Variants in DTNB observed in about 807,000 individuals in gnomAD.
The protein encoded by DTNB is DTN-B.
Under a neutral mutation model 90.7 loss-of-function variants are expected in DTNB, and 63 were observed. The observed-to-expected ratio is 0.69, with a 90% CI of 0.57 to 0.86. DTNB has a LOEUF of 0.86. DTNB is among the 40% of genes least tolerant of loss of function. The pLI, the probability that DTNB is intolerant of heterozygous loss-of-function variation, is 0.00. For synonymous variants in DTNB, 277 were observed against 286.7 expected (o/e 0.97, Z 0.34); for missense variants, 744 against 807.1 (o/e 0.92, Z 0.95).
In DTNB at chr2:25,505,475, G is replaced by A. The variant is rs373404577; in HGVS notation, c.1002-22602C>T. On this transcript the variant is annotated intron_variant, in intron 9 of 20. Transcript: ENST00000406818. Reference sequence around the variant, plus strand: ...TTCATTTTGAAGGTGGTAAACTTTTGCATCCAGCAGCATTTTAGTACTTTT... The same window carrying A: ...TTCATTTTGAAGGTGGTAAACTTTTACATCCAGCAGCATTTTAGTACTTTT... 7.2e-5 allele frequency among the ~76,000 whole-genome samples: 11 copies of A among 152,120 alleles called. No homozygotes were observed. In the East Asian group the frequency reaches 7.7e-4, roughly 11 times the overall value.
chr2:25,496,984 AG>A (rs2069053951), intron 9 of DTNB, among the ~76,000 whole-genome samples: 1 of 152,236 alleles, frequency 6.6e-6, no homozygotes, highest in Non-Finnish European at 1.5e-5. Flanking sequence ...ATAAAGGCGA[AG>A]AATAACTATT....
At chr2:25,563,892 T>C (rs1022510712) in intron 8 of DTNB, among the ~76,000 whole-genome samples, 11 of 152,198 alleles carry the variant, frequency 7.2e-5, no homozygotes, top group Non-Finnish European at 1.0e-4. Flanking sequence ...TTCTTTTTTT[T>C]TCTTTTTTCT....
rs186031883 is a variant in DTNB, at chr2:25,396,059, A to G, written c.1576-7698T>C. On this transcript the variant is annotated intron_variant, in intron 16 of 20. Transcript: ENST00000406818. ...AACGAGTGGATAAAGAAAATGTGGT[A>G]AATGCATACCATGGAATACTATTCA... 1.8e-3 allele frequency among the ~76,000 whole-genome samples: 278 copies of G among 152,320 alleles called. 1 individual carries two copies. The highest frequency in any genetic ancestry group is 6.0e-3 in the African/African-American group (249 of 41,576).
intron 1 of DTNB, among the ~76,000 whole-genome samples, chr2:25,662,680 AAACACAC>A (rs1559430955): frequency 4.5e-4 from 59 of 129,920 alleles, no homozygotes; most frequent in South Asian, 1.6e-3. Context: ...ACACACACAC[AAACACAC>A]ACACACACAC....
At chr2:25,581,949 G>A (rs2061611220) in intron 6 of DTNB, among the ~76,000 whole-genome samples, 1 of 152,224 alleles carries the variant, frequency 6.6e-6, no homozygotes, top group African/African-American at 2.4e-5. Flanking sequence ...GCAGGGTGGT[G>A]GCTGGGGCGA....
At chr2:25,607,197 T>TTGAAAATGGCATTTTTCAAATAATA (rs757444672) in intron 5 of DTNB, 39 bp downstream of exon 5, 1 of 1,547,114 alleles carries the variant, frequency 6.5e-7, no homozygotes, top group Non-Finnish European at 8.8e-7. Flanking sequence ...AAGTCCTAAT[T>TTGAAAATGGCATTTTTCAAATAATA]TGAAAATGGC....
chr2:25,529,824 A>ATT (rs2077814527), intron 9 of DTNB, among the ~76,000 whole-genome samples: 1 of 152,180 alleles, frequency 6.6e-6, no homozygotes. Flanking sequence ...TATTAGATTT[A>ATT]ACCCTTGATC....
intron 2 of DTNB, among the ~76,000 whole-genome samples, chr2:25,651,187 A>C (rs1444786717): frequency 1.3e-5 from 2 of 152,260 alleles, no homozygotes; most frequent in Non-Finnish European, 2.9e-5. Context: ...AGTGCCAGGC[A>C]CTGTGCCAAG....
rs192507598 is a variant in DTNB, at chr2:25,535,962, C to T, written c.877-4365G>A. Among the ~76,000 whole-genome samples the T allele has an allele frequency of 9.2e-3, 1,249 of 135,986 alleles. 46 individuals are homozygous for T. Among genetic ancestry groups the T allele is most frequent in the African/African-American group, 0.033 (1,166 of 35,402 alleles). 89.2% of individuals were successfully genotyped at this position (135,986 alleles called of 152,430 possible). A position where few individuals can be genotyped will look rare whatever the true frequency, so the allele number is the denominator to read the frequency against. On this transcript the variant is annotated intron_variant, in intron 8 of 20. Coordinates refer to ENST00000406818, the MANE Select transcript of DTNB (RefSeq NM_021907.5). Reference sequence around the variant, plus strand: ...CTCACTTCCTCCCAGATGGGGCAGCCGGGCAGAGGCGCTCCTCACCTCCCA... The same window carrying T: ...CTCACTTCCTCCCAGATGGGGCAGCTGGGCAGAGGCGCTCCTCACCTCCCA...
At chr2:25,463,815 C>T (rs540697434) in intron 10 of DTNB, among the ~76,000 whole-genome samples, 17 of 152,322 alleles carry the variant, frequency 1.1e-4, no homozygotes, top group African/African-American at 3.4e-4. Flanking sequence ...GAGTCAGATA[C>T]TTCAGCGTAA....
chr2:25,504,541 AAAG>A (rs1171033392), intron 9 of DTNB, among the ~76,000 whole-genome samples: 6 of 151,196 alleles, frequency 4.0e-5, no homozygotes, highest in Non-Finnish European at 5.9e-5. Context: ...GAAAGGCAAG[AAAG>A]AAGGCAAGGC....
chr2:25,616,666 C>T (rs2070663569), intron 4 of DTNB, among the ~76,000 whole-genome samples: 2 of 138,314 alleles, frequency 1.4e-5, no homozygotes, highest in South Asian at 4.6e-4. Context: ...GGCGCAGTGG[C>T]TCATGCCTCT....
chr2:25,433,806 T>C (rs1181517418), intron 13 of DTNB, 104 bp downstream of exon 13: 10 of 1,337,576 alleles, frequency 7.5e-6, no homozygotes, highest in South Asian at 2.5e-5. Flanking sequence ...AGGCAAGGTC[T>C]TCCTTGGCGG....
At chr2:25,423,127 G>A (rs891849501) in intron 15 of DTNB, among the ~76,000 whole-genome samples, 4 of 152,132 alleles carry the variant, frequency 2.6e-5, no homozygotes, top group Non-Finnish European at 5.9e-5. Context: ...AATCCGGGAG[G>A]CAGAGGTTGC....
intron 6 of DTNB, among the ~76,000 whole-genome samples, chr2:25,582,581 A>T (rs1187925363): frequency 6.6e-6 from 1 of 152,160 alleles, no homozygotes; most frequent in Non-Finnish European, 1.5e-5. Flanking sequence ...GAAGTAGTTA[A>T]GTAATTGGAC....
chr2:25,388,101 G>A, intron 17 of DTNB, 101 bp downstream of exon 17: 1 of 1,503,054 alleles, frequency 6.7e-7, no homozygotes, highest in South Asian at 1.3e-5. Flanking sequence ...ATCATTCCAA[G>A]CAAAGAGCAC....
intron 1 of DTNB, among the ~76,000 whole-genome samples, chr2:25,672,356 T>C (rs571427140): frequency 8.6e-5 from 13 of 151,702 alleles, no homozygotes; most frequent in African/African-American, 2.9e-4. Context: ...ATTCATGCAA[T>C]AGACACTTAT....
chr2:25,607,634 A>C (rs2067432743), intron 4 of DTNB, among the ~76,000 whole-genome samples: 1 of 152,172 alleles, frequency 6.6e-6, no homozygotes, highest in African/African-American at 2.4e-5. Flanking sequence ...AAACCCATTA[A>C]ATCCACAGCT....
At chr2:25,563,131 A>AAGTGTAT (rs2058505745) in intron 8 of DTNB, among the ~76,000 whole-genome samples, 1 of 152,182 alleles carries the variant, frequency 6.6e-6, no homozygotes. Context: ...AACCATTTTT[A>AAGTGTAT]AGTGTATAGT....
Sources: gnomAD v4.1 joint callset for allele counts (sites outside exome capture counted in the v4.1 genomes callset) on GRCh38, gnomAD v4.1.1 for gene constraint, MANE v1.5 for transcripts, NCBI Gene and HGNC (gene_info 2026-07-23, HGNC 2026-07-21) for gene names.